Variants in MAGI2 observed in about 807,000 individuals in gnomAD.
MAGI2 encodes the protein membrane-associated guanylate kinase, WW and PDZ domain-containing protein 2.
MAGI2 carries 35 observed loss-of-function variants against 133.3 expected under a neutral mutation model. The ratio of observed to expected loss-of-function variants is 0.26; its 90% CI spans 0.20 to 0.35. The LOEUF (loss-of-function observed/expected upper bound fraction) is 0.35, where lower values mean the gene tolerates loss of function less well. Among genes scored for constraint, MAGI2 ranks in the 10% least tolerant of loss-of-function variants. The pLI, the probability that MAGI2 is intolerant of heterozygous loss-of-function variation, is 1.00. For synonymous variants in MAGI2, 729 were observed against 710.6 expected, an observed-to-expected ratio of 1.03 and a Z score of -0.41; for missense variants, 1,636 against 1,863.4, an observed-to-expected ratio of 0.88 and a Z score of 2.25.
At chr7:78,262,414 C>G (rs1400791561) in intron 9 of MAGI2, among the ~76,000 whole-genome samples, 1 of 152,136 alleles carries the variant, frequency 6.6e-6, no homozygotes, top group Non-Finnish European at 1.5e-5. Flanking sequence ...CTGCAAAACA[C>G]TAGATATTGC....
chr7:78,171,048 C>A (rs966157703), intron 14 of MAGI2: 1 of 152,222 alleles, frequency 6.6e-6, no homozygotes, highest in African/African-American at 2.4e-5. Context: ...CTGCTTCCAG[C>A]TCTCCTGCCG....
chr7:79,352,850 G>C (rs911212501), intron 1 of MAGI2, among the ~76,000 whole-genome samples: 2 of 151,982 alleles, frequency 1.3e-5, no homozygotes, highest in Non-Finnish European at 2.9e-5. Flanking sequence ...TTAGACTTTT[G>C]AGAGTCTAAA....
chr7:78,665,385 T>C (rs959531563), intron 2 of MAGI2, among the ~76,000 whole-genome samples: 2 of 152,046 alleles, frequency 1.3e-5, no homozygotes, highest in Non-Finnish European at 2.9e-5. Flanking sequence ...GGGAAATAAA[T>C]CAAATGAAGC....
At chr7:78,311,193 T>G (rs1420611704) in intron 9 of MAGI2, among the ~76,000 whole-genome samples, 2 of 151,760 alleles carry the variant, frequency 1.3e-5, no homozygotes, top group African/African-American at 4.8e-5. Flanking sequence ...GGAAATAAAA[T>G]AGAGAAAGAA....
chr7:78,576,457 G>A (rs1052020735), intron 3 of MAGI2, among the ~76,000 whole-genome samples: 9 of 152,206 alleles, frequency 5.9e-5, no homozygotes, highest in East Asian at 1.9e-4. Flanking sequence ...CTCCCACAAG[G>A]CATGTCATAG....
At chr7:78,070,237 A>C (rs1814441430) in intron 21 of MAGI2, among the ~76,000 whole-genome samples, 1 of 135,350 alleles carries the variant, frequency 7.4e-6, no homozygotes, top group Admixed American at 7.6e-5. Context: ...ACACACAGAC[A>C]TTCTGTCCCC....
chr7:79,275,912 A>T (rs1835198238), intron 1 of MAGI2, among the ~76,000 whole-genome samples: 1 of 152,194 alleles, frequency 6.6e-6, no homozygotes, highest in South Asian at 2.1e-4. Flanking sequence ...TTTGAGACCT[A>T]CTGCTCAGAA....
At chr7:79,277,821 A>G (rs573391593) in intron 1 of MAGI2, among the ~76,000 whole-genome samples, 2 of 152,242 alleles carry the variant, frequency 1.3e-5, no homozygotes, top group East Asian at 3.9e-4. Flanking sequence ...TCCAGAAATT[A>G]CTTTCTGAAA....
intron 1 of MAGI2, among the ~76,000 whole-genome samples, chr7:79,297,909 T>C (rs887912313): frequency 6.6e-6 from 1 of 152,214 alleles, no homozygotes; most frequent in Admixed American, 6.5e-5. Flanking sequence ...GCAACAGATA[T>C]TCCCTGCTAC....
intron 9 of MAGI2, among the ~76,000 whole-genome samples, chr7:78,303,491 C>T (rs1400263513): frequency 1.3e-5 from 2 of 151,226 alleles, no homozygotes; most frequent in Non-Finnish European, 2.9e-5. Context: ...CATCTCTCTG[C>T]ATGCTCCCTC....
intron 1 of MAGI2, among the ~76,000 whole-genome samples, chr7:79,330,764 T>C (rs1030982312): frequency 7.2e-5 from 11 of 152,070 alleles, no homozygotes; most frequent in African/African-American, 4.8e-5. Context: ...TTATACATAA[T>C]ATATAATAAC....
At chr7:78,638,135 T>C (rs1457188488) in intron 2 of MAGI2, among the ~76,000 whole-genome samples, 1 of 151,494 alleles carries the variant, frequency 6.6e-6, no homozygotes, top group African/African-American at 2.4e-5. Context: ...AAAAAACCTG[T>C]CATACTGAGC....
intron 1 of MAGI2, among the ~76,000 whole-genome samples, chr7:79,151,465 C>T (rs1457042731): frequency 6.6e-6 from 1 of 152,110 alleles, no homozygotes; most frequent in Non-Finnish European, 1.5e-5. Context: ...TTCTCCTTTT[C>T]TCCAGTTTAC....
intron 3 of MAGI2, among the ~76,000 whole-genome samples, chr7:78,572,720 T>C (rs997799343): frequency 2.0e-5 from 3 of 151,974 alleles, no homozygotes; most frequent in Non-Finnish European, 4.4e-5. Context: ...TGGAGTGCCA[T>C]GGTGCGATCT....
Position 79,104,421 on chromosome 7 carries a change from C to T in MAGI2, c.302-97215G>A, listed in dbSNP as rs537069866. Among the ~76,000 whole-genome samples the T allele has an allele frequency of 2.0e-5, 3 of 152,264 alleles. No individual in the cohort carries two copies. The East Asian group carries it at 5.8e-4, about 30-fold the overall frequency. ...CCGTGGCTCTTACCTGTAATCCCAG[C>T]ACTTTGGGAGGCAAACGCAGGCAGA... On this transcript the variant is annotated intron_variant, in intron 1 of 21. Transcript: ENST00000354212.
At chr7:78,258,329 A>T (rs536150293) in intron 9 of MAGI2, among the ~76,000 whole-genome samples, 1 of 152,202 alleles carries the variant, frequency 6.6e-6, no homozygotes, top group East Asian at 1.9e-4. Flanking sequence ...GTCCCAGAGA[A>T]GTGTCTGATT....
intron 2 of MAGI2, among the ~76,000 whole-genome samples, chr7:78,692,635 T>C (rs1817087917): frequency 6.6e-6 from 1 of 152,188 alleles, no homozygotes; most frequent in Admixed American, 6.5e-5. Flanking sequence ...ATAATACAAA[T>C]CTAGCTTCCG....
intron 2 of MAGI2, among the ~76,000 whole-genome samples, chr7:78,980,556 T>A (rs1293836189): frequency 6.6e-6 from 1 of 151,902 alleles, no homozygotes; most frequent in Non-Finnish European, 1.5e-5. Context: ...TAATGACATC[T>A]CTCCATTTTA....
chr7:78,375,547 A>C (rs1194093758), intron 6 of MAGI2, among the ~76,000 whole-genome samples: 1 of 152,074 alleles, frequency 6.6e-6, no homozygotes, highest in Non-Finnish European at 1.5e-5. Context: ...CATATCCTTC[A>C]ACCCTATATT....
Sources: gnomAD v4.1 joint callset for allele counts (sites outside exome capture counted in the v4.1 genomes callset) on GRCh38, gnomAD v4.1.1 for gene constraint, MANE v1.5 for transcripts, NCBI Gene and HGNC (gene_info 2026-07-23, HGNC 2026-07-21) for gene names.